The following ZNF680 variants were observed in gnomAD, a reference collection of about 807,000 sequenced individuals.
ZNF680 encodes zinc finger protein 680, also known as hypothetical protein FLJ90430.
ZNF680 carries 6 observed loss-of-function variants against 12.1 expected under a neutral mutation model. That is an observed-to-expected ratio of 0.49 (90% CI 0.27 to 0.98). The LOEUF (loss-of-function observed/expected upper bound fraction) is 0.98. Ranked by LOEUF, ZNF680 falls within the 50% of genes least tolerant of loss-of-function variation. The pLI is 0.12. For missense variants in ZNF680, 561 were observed against 616.3 expected, an observed-to-expected ratio of 0.91 and a Z score of 0.95; for synonymous variants, 170 against 199.3, an observed-to-expected ratio of 0.85 and a Z score of 1.24.
chr7:64,542,847 T>C (rs529091375), intron 3 of ZNF680, among the ~76,000 whole-genome samples: 3 of 152,202 alleles, frequency 2.0e-5, no homozygotes, highest in African/African-American at 7.2e-5. Context: ...TATAGGAACC[T>C]GCCACCATGC....
the ZNF680 span, among the ~76,000 whole-genome samples, chr7:64,514,656 TATA>T: frequency 1.3e-5 from 2 of 150,930 alleles, no homozygotes; most frequent in Admixed American, 6.6e-5. Context: ...AATAAAAACT[TATA>T]ATATTTATAA....
Position 64,522,498 on chromosome 7 carries a change from T to C in ZNF680, c.256A>G (p.Ile86Val), listed in dbSNP as rs780015434. The C allele has an allele frequency of 6.8e-7, 1 of 1,466,238 alleles. No homozygotes were observed. Among genetic ancestry groups the C allele is most frequent in the South Asian group, 1.7e-5 (1 of 60,120 alleles). 90.8% of individuals were successfully genotyped at this position (1,466,238 alleles called of 1,614,324 possible). Residue 86 changes from isoleucine to valine, a missense_variant and splice_region_variant, in exon 4 of 4, where the codon ATA becomes GTA. Physicochemically the swap from Ile to Val is conservative, Grantham distance 29. Coordinates refer to ENST00000309683, the MANE Select transcript of ZNF680 (RefSeq NM_178558.5). ...RQEMVAKPPV[I>V]YSHFTEDLWP... ...AGGTCTTCAGTGAAATGAGAATATA[T>C]AACTGAAAGACATAAAAGTAACAAA...
the ZNF680 span, among the ~76,000 whole-genome samples, chr7:64,503,031 A>G: frequency 6.6e-6 from 1 of 151,730 alleles, no homozygotes; most frequent in East Asian, 1.9e-4. Context: ...TGCCTGTATG[A>G]CTCTTCTTTC....
At chr7:64,562,484 T>C (rs1041536512) in intron 1 of ZNF680, among the ~76,000 whole-genome samples, 1 of 152,176 alleles carries the variant, frequency 6.6e-6, no homozygotes, top group Non-Finnish European at 1.5e-5. Flanking sequence ...GACCACAAAT[T>C]ACAAATCATA....
At chr7:64,501,814 TCTC>T in the ZNF680 span, 1 of 626,502 alleles carries the variant, frequency 1.6e-6, no homozygotes, top group Non-Finnish European at 3.0e-6. Flanking sequence ...CAGATCTTCT[TCTC>T]TAGTATCTTC....
intron 3 of ZNF680, among the ~76,000 whole-genome samples, chr7:64,527,753 ATC>A (rs1327560012): frequency 6.6e-6 from 1 of 151,952 alleles, no homozygotes; most frequent in Non-Finnish European, 1.5e-5. Context: ...TGATCAGTTG[ATC>A]TCAAGAATTT....
intron 3 of ZNF680, among the ~76,000 whole-genome samples, chr7:64,535,391 G>A (rs1786106236): frequency 7.3e-6 from 1 of 136,988 alleles, no homozygotes; most frequent in Non-Finnish European, 1.6e-5. Flanking sequence ...AGAAAAGAAG[G>A]AAGGAAGGAA....
At chr7:64,499,284 G>A in the ZNF680 span, among the ~76,000 whole-genome samples, 1 of 152,158 alleles carries the variant, frequency 6.6e-6, no homozygotes, top group Admixed American at 6.5e-5. Flanking sequence ...AGCCCTGGGG[G>A]AAATAGTATT....
chr7:64,557,353 G>A (rs1013598102), intron 1 of ZNF680, among the ~76,000 whole-genome samples: 2 of 149,744 alleles, frequency 1.3e-5, no homozygotes, highest in Non-Finnish European at 3.0e-5. Context: ...TCAGGAATTC[G>A]AGACCAGCCT....
In ZNF680 at chr7:64,521,214, C is replaced by T. The variant is rs1234311708; in HGVS notation, c.1540G>A (p.Gly514Ser). 2 of 1,613,080 alleles carry T rather than the reference C, an allele frequency of 1.2e-6. No homozygotes were observed. The highest frequency in any genetic ancestry group is 2.7e-5 in the African/African-American group (2 of 74,836). The change falls in exon 4 of 4, where the codon GGT (glycine) becomes AGT (serine). Residue 514 changes from glycine (G) to serine (S), a missense_variant. Transcript: ENST00000309683. ...TTTTCAGGTTTGTAGAGTTTCTCAC[C>T]AGTATGAATTTTCTTATGTCTAGTA... ...HLTRHKKIHT[G>S]EKLYKPEKCD...
At chr7:64,552,811 T>C (rs1370173313) in intron 1 of ZNF680, among the ~76,000 whole-genome samples, 1 of 152,206 alleles carries the variant, frequency 6.6e-6, no homozygotes. Context: ...TTTATATTAT[T>C]GTAGAAAATA....
At chr7:64,536,561 C>T (rs1365600377) in intron 3 of ZNF680, among the ~76,000 whole-genome samples, 1 of 152,150 alleles carries the variant, frequency 6.6e-6, no homozygotes, top group East Asian at 1.9e-4. Flanking sequence ...GAATTTGCCC[C>T]CATGACCCAA....
the ZNF680 span, among the ~76,000 whole-genome samples, chr7:64,506,922 A>G: frequency 6.6e-6 from 1 of 152,214 alleles, no homozygotes; most frequent in African/African-American, 2.4e-5. Context: ...ACACATATAT[A>G]GTGTTATGGT....
chr7:64,500,041 C>A, the ZNF680 span, among the ~76,000 whole-genome samples: 1 of 152,190 alleles, frequency 6.6e-6, no homozygotes, highest in African/African-American at 2.4e-5. Context: ...CTCTCCCACC[C>A]TGAATCCTTA....
At chr7:64,533,842 C>G (rs896127163) in intron 3 of ZNF680, among the ~76,000 whole-genome samples, 1 of 152,022 alleles carries the variant, frequency 6.6e-6, no homozygotes, top group African/African-American at 2.4e-5. Flanking sequence ...AACAGAATAG[C>G]GAACCCAGAA....
At chr7:64,540,825 A>C (rs1275243096) in intron 3 of ZNF680, among the ~76,000 whole-genome samples, 2 of 152,220 alleles carry the variant, frequency 1.3e-5, no homozygotes, top group Non-Finnish European at 2.9e-5. Flanking sequence ...CTAGATAATT[A>C]CAATATTTGA....
intron 3 of ZNF680, chr7:64,526,395 A>G: frequency 1.4e-6 from 2 of 1,443,168 alleles, no homozygotes; most frequent in South Asian, 1.5e-5. Flanking sequence ...TTCTACATGA[A>G]GGGCTACATA....
chr7:64,502,667 G>A, the ZNF680 span, among the ~76,000 whole-genome samples: 165 of 152,184 alleles, frequency 1.1e-3, no homozygotes, highest in Non-Finnish European at 1.6e-3. Context: ...AAATAAACAA[G>A]TCTTTATTAA....
chr7:64,553,920 G>C (rs905928937), intron 1 of ZNF680, among the ~76,000 whole-genome samples: 15 of 152,272 alleles, frequency 9.9e-5, no homozygotes, highest in Non-Finnish European at 2.1e-4. Context: ...GCAGTGGCGT[G>C]ATCTCGGCTC....
Sources: gnomAD v4.1 joint callset for allele counts (sites outside exome capture counted in the v4.1 genomes callset) on GRCh38, gnomAD v4.1.1 for gene constraint, MANE v1.5 for transcripts, NCBI Gene and HGNC (gene_info 2026-07-23, HGNC 2026-07-21) for gene names.